The following CELF2 variants were observed in gnomAD, a reference collection of about 807,000 sequenced individuals.
The protein encoded by CELF2 is CUGBP Elav-like family member 2.
In CELF2, 8 loss-of-function variants were observed where a neutral mutation model predicts 62.6. The ratio of observed to expected loss-of-function variants is 0.13; its 90% CI spans 0.07 to 0.23. The LOEUF (loss-of-function observed/expected upper bound fraction) is 0.23. Ranked by LOEUF, CELF2 falls within the 10% of genes least tolerant of loss-of-function variation. CELF2 has a pLI of 1.00. For missense variants in CELF2, 333 were observed against 671.0 expected (o/e 0.50, Z 5.56); for synonymous variants, 258 against 250.0 (o/e 1.03, Z -0.30).
chr10:10,550,114 A>G, the CELF2 span, among the ~76,000 whole-genome samples: 1 of 152,370 alleles, frequency 6.6e-6, no homozygotes, highest in Non-Finnish European at 1.5e-5. Flanking sequence ...AGCCTTACCA[A>G]TAACATAAAC....
rs1361150625 is a variant in CELF2 at position 11,334,364 on chromosome 10, TTC to T, written c.*5319_*5320del. ...ATTAAACCATTTTCCTAATACTTGTTTCTCTCTCTGCGTGTTGTATTGTTGGT... is the reference window on the plus strand; with the variant it reads ...ATTAAACCATTTTCCTAATACTTGTTTCTCTCTGCGTGTTGTATTGTTGGT... On this transcript the variant is annotated 3_prime_UTR_variant, in exon 13 of 13. Transcript: ENST00000633077. 1 of 152,690 alleles carries T rather than the reference TTC, an allele frequency of 6.5e-6. No homozygotes were observed. Among genetic ancestry groups the T allele is most frequent in the African/African-American group, 2.4e-5 (1 of 41,468 alleles). The allele number at this position is 152,690 out of a possible 1,614,324, so 9.5% of individuals were successfully genotyped here.
intron 1 of CELF2, among the ~76,000 whole-genome samples, chr10:10,857,501 G>A (rs1286694483): frequency 2.0e-5 from 3 of 151,446 alleles, no homozygotes; most frequent in Non-Finnish European, 4.4e-5. Flanking sequence ...GCCTGCCAAA[G>A]CACTCTTTAA....
At chr10:11,139,367 C>T (rs115339229) in intron 1 of CELF2, among the ~76,000 whole-genome samples, 1,780 of 152,192 alleles carry the variant, frequency 0.012, 29 homozygotes, top group African/African-American at 0.041. Flanking sequence ...AAACACAGTT[C>T]TAAATAGTTG....
the CELF2 span, among the ~76,000 whole-genome samples, chr10:10,500,994 G>A: frequency 6.6e-6 from 1 of 152,214 alleles, no homozygotes; most frequent in African/African-American, 2.4e-5. Flanking sequence ...TGGTACGGAT[G>A]TGCCATAGTT....
At chr10:11,005,061 A>G, upstream of CELF2, 1 of 985,332 alleles carries the variant, frequency 1.0e-6, no homozygotes, top group Non-Finnish European at 1.2e-6. The surrounding 1 kb of genome is among the most constrained non-coding windows in gnomAD (Gnocchi z 4.3). Flanking sequence ...GGTAATTAGG[A>G]GAAGTAATAC....
the CELF2 span, among the ~76,000 whole-genome samples, chr10:10,646,334 T>G: frequency 6.6e-6 from 1 of 152,208 alleles, no homozygotes; most frequent in Non-Finnish European, 1.5e-5. Flanking sequence ...CTGGGACAAA[T>G]GGAAATCAAC....
the CELF2 span, among the ~76,000 whole-genome samples, chr10:10,702,535 G>A: frequency 2.6e-5 from 4 of 152,134 alleles, no homozygotes; most frequent in African/African-American, 9.7e-5. Flanking sequence ...AGAATTCACT[G>A]TCTCTCTAAA....
intron 1 of CELF2, among the ~76,000 whole-genome samples, chr10:10,880,128 C>G (rs1250078428): frequency 1.6e-4 from 24 of 152,188 alleles, no homozygotes; most frequent in Admixed American, 1.6e-3. Flanking sequence ...TAACTAAATA[C>G]AAGAACATCG....
At chr10:11,100,220 T>A (rs977252853) in intron 1 of CELF2, among the ~76,000 whole-genome samples, 25 of 120,346 alleles carry the variant, frequency 2.1e-4, no homozygotes, top group Admixed American at 7.0e-4. Flanking sequence ...AATAAATAAA[T>A]AAAATAAATA....
the CELF2 span, among the ~76,000 whole-genome samples, chr10:10,486,242 C>G: frequency 6.6e-6 from 1 of 152,158 alleles, no homozygotes; most frequent in South Asian, 2.1e-4. Flanking sequence ...AATACAAACA[C>G]CAGTAAAGAA....
At chr10:10,927,755 TTCTC>T (rs2135024747) in intron 2 of CELF2, among the ~76,000 whole-genome samples, 1 of 152,170 alleles carries the variant, frequency 6.6e-6, no homozygotes, top group South Asian at 2.1e-4. Context: ...TTTGTCTACT[TTCTC>T]TCTCTCTTTC....
At chr10:10,930,888 T>C (rs916220159) in intron 2 of CELF2, among the ~76,000 whole-genome samples, 2 of 152,208 alleles carry the variant, frequency 1.3e-5, no homozygotes, top group Non-Finnish European at 2.9e-5. Context: ...AAAGCCTTTC[T>C]TATTCCTCTA....
chr10:10,954,547 A>G (rs994024994), intron 2 of CELF2, among the ~76,000 whole-genome samples: 5 of 152,228 alleles, frequency 3.3e-5, no homozygotes, highest in East Asian at 3.9e-4. Context: ...CACCTGGCCA[A>G]TTTGGCAACT....
chr10:10,819,604 C>T, intron 1 of CELF2, among the ~76,000 whole-genome samples: 1 of 152,122 alleles, frequency 6.6e-6, no homozygotes, highest in East Asian at 1.9e-4. Flanking sequence ...TCCACTGGTT[C>T]TCTCCTGCAT....
the CELF2 span, among the ~76,000 whole-genome samples, chr10:10,521,408 G>A: frequency 6.6e-6 from 1 of 152,126 alleles, no homozygotes; most frequent in African/African-American, 2.4e-5. Flanking sequence ...GCTAAGTCAA[G>A]GTTCTGTGCC....
the CELF2 span, among the ~76,000 whole-genome samples, chr10:10,497,780 G>A: frequency 2.6e-5 from 4 of 152,204 alleles, no homozygotes; most frequent in Non-Finnish European, 5.9e-5. Flanking sequence ...AGAGGGCACC[G>A]ATACTGTAAG....
intron 11 of CELF2, among the ~76,000 whole-genome samples, chr10:11,325,217 C>T (rs1008735499): frequency 6.6e-6 from 1 of 152,204 alleles, no homozygotes; most frequent in Non-Finnish European, 1.5e-5. Context: ...GGCTAACGCC[C>T]AGGAGAGTCA....
At chr10:10,979,672 C>CAAAAAAAAAAAA (rs35482385) in intron 2 of CELF2, among the ~76,000 whole-genome samples, 10 of 68,964 alleles carry the variant, frequency 1.5e-4, no homozygotes, top group African/African-American at 4.7e-4. Context: ...CCTTGTCTCT[C>CAAAAAAAAAAAA]AAAAAAAAAA....
At chr10:10,465,178 C>T in the CELF2 span, among the ~76,000 whole-genome samples, 5 of 152,020 alleles carry the variant, frequency 3.3e-5, no homozygotes, top group East Asian at 1.9e-4. Flanking sequence ...CCTGAAAATA[C>T]GACATTTGAC....
Sources: allele counts gnomAD v4.1 joint callset (sites outside exome capture counted in the v4.1 genomes callset), GRCh38; gene constraint gnomAD v4.1.1; non-coding constraint Gnocchi (gnomAD v3.1); transcripts MANE v1.5; gene names NCBI Gene and HGNC (gene_info 2026-07-23, HGNC 2026-07-21).